CHUK: variants seen among roughly 807,000 people sequenced by gnomAD.
CHUK encodes the protein inhibitor of nuclear factor kappa-B kinase subunit alpha.
CHUK carries 35 observed loss-of-function variants against 104.8 expected under a neutral mutation model. That is an observed-to-expected ratio of 0.33 (90% CI 0.26 to 0.44). The LOEUF (loss-of-function observed/expected upper bound fraction) is 0.44. Ranked by LOEUF, CHUK falls within the 20% of genes least tolerant of loss-of-function variation. The pLI is 1.00. For synonymous variants in CHUK, 276 were observed against 291.9 expected, an observed-to-expected ratio of 0.95 and a Z score of 0.56; for missense variants, 663 against 902.7, an observed-to-expected ratio of 0.73 and a Z score of 3.40.
At chr10:100,191,569 A>G (rs142168170) in intron 19 of CHUK, among the ~76,000 whole-genome samples, 239 of 152,336 alleles carry the variant, frequency 1.6e-3, no homozygotes, top group African/African-American at 5.2e-3. Context: ...CTGGAAGTTC[A>G]TATTTGAAGG....
At chr10:100,205,036 G>A (rs1275798649) in intron 12 of CHUK, 40 bp downstream of exon 12, 9 of 1,611,052 alleles carry the variant, frequency 5.6e-6, no homozygotes, top group African/African-American at 1.3e-5. Context: ...AGTATATGAT[G>A]CACATTGCAT....
chr10:100,189,500 G>A lies in CHUK; in HGVS notation c.*98C>T. 1 of 913,804 alleles carries A rather than the reference G, an allele frequency of 1.1e-6. No individual in the cohort carries two copies. Among genetic ancestry groups the A allele is most frequent in the Middle Eastern group, 2.1e-4 (1 of 4,690 alleles). The allele number at this position is 913,804 out of a possible 1,614,324, so 56.6% of individuals were successfully genotyped here. A position where few individuals can be genotyped will look rare whatever the true frequency, so the allele number is the denominator to read the frequency against. On this transcript the variant is annotated 3_prime_UTR_variant, in exon 21 of 21. Coordinates refer to ENST00000370397, the MANE Select transcript of CHUK (RefSeq NM_001278.5). ...TCTGTTCATAGCCATTTCTTCCATT[G>A]ACTGATGTCTGAAGAATGGTTTCAT...
In CHUK at chr10:100,222,178, G is replaced by T; in HGVS notation, c.319C>A (p.Leu107Ile). The change falls in exon 4 of 21, where the codon CTC becomes ATC. Residue 107 changes from leucine (L) to isoleucine (I), a missense_variant. Around this residue, in one of 5 missense-constraint regions of CHUK, gnomAD observed 200 missense variants for 333.0 expected, o/e 0.60. Coordinates refer to ENST00000370397, the MANE Select transcript of CHUK (RefSeq NM_001278.5). ...CCACAACAATTTTCTGGTTTGTTGAGCAGCTAAAAAAAGAAAGAAATCTAA... is the reference window on the plus strand; with the variant it reads ...CCACAACAATTTTCTGGTTTGTTGATCAGCTAAAAAAAGAAAGAAATCTAA... Reference protein sequence around the residue: ...YCSGGDLRKLLNKPENCCGLK... With the variant: ...YCSGGDLRKLINKPENCCGLK... 6.3e-7 allele frequency: 1 copy of T among 1,592,636 alleles called. No individual in the cohort carries two copies.
In CHUK at chr10:100,220,644, T is replaced by C. The variant is rs553883842; in HGVS notation, c.418A>G (p.Ile140Val). ...TCAGGTTTTAGATCTCGATGTATAATTTTGTTTTCATGCAAATATCGAATC... is the reference window on the plus strand; with the variant it reads ...TCAGGTTTTAGATCTCGATGTATAACTTTGTTTTCATGCAAATATCGAATC... Reference protein sequence around the residue: ...SGIRYLHENKIIHRDLKPENI... With the variant: ...SGIRYLHENKVIHRDLKPENI... The change falls in exon 5 of 21, where the codon ATT (isoleucine) becomes GTT (valine). Residue 140 changes from isoleucine to valine, a missense_variant. This residue lies in a region of CHUK where 200 missense variants were observed against 333.0 expected (regional missense o/e 0.60). Transcript: ENST00000370397. 10 of 1,612,596 alleles carry C rather than the reference T, an allele frequency of 6.2e-6. 1 individual carries two copies. In the South Asian group the frequency reaches 9.9e-5, roughly 16 times the overall value.
chr10:100,204,495 C>T lies in CHUK; in HGVS notation c.1507+11G>A, dbSNP rs1183249833. The T allele has an allele frequency of 6.2e-7, 1 of 1,611,222 alleles. No individual in the cohort carries two copies. The highest frequency in any genetic ancestry group is 8.5e-7 in the Non-Finnish European group (1 of 1,177,748). On this transcript the variant is annotated intron_variant, in intron 13 of 20. Coordinates refer to ENST00000370397, the MANE Select transcript of CHUK (RefSeq NM_001278.5). ...AGATGCTCCTTTCAAATACATTACA[C>T]AGACACTTACATATCCCATACGTCA...
At chr10:100,208,897 G>C (rs954326611) in intron 10 of CHUK, among the ~76,000 whole-genome samples, 5 of 151,912 alleles carry the variant, frequency 3.3e-5, no homozygotes, top group African/African-American at 1.2e-4. Context: ...AATAACAAAG[G>C]AATTCTTAAC....
chr10:100,198,147 G>A (rs973229322), intron 16 of CHUK, among the ~76,000 whole-genome samples: 4 of 151,838 alleles, frequency 2.6e-5, no homozygotes, highest in East Asian at 1.9e-4. Flanking sequence ...ATTATCTCAC[G>A]TATGCAAATC....
At chr10:100,210,839 AGT>A (rs1455407557) in intron 9 of CHUK, among the ~76,000 whole-genome samples, 2 of 152,172 alleles carry the variant, frequency 1.3e-5, no homozygotes, top group African/African-American at 4.8e-5. Context: ...ATGCCAAGTG[AGT>A]GTGAGGCTGA....
Position 100,222,146 on chromosome 10 carries a change from T to C in CHUK, c.351A>G (p.Lys117=). The C allele has an allele frequency of 6.3e-7, 1 of 1,598,138 alleles. No homozygotes were observed. Among genetic ancestry groups the C allele is most frequent in the Non-Finnish European group, 8.6e-7 (1 of 1,166,796 alleles). Reference sequence around the variant, plus strand: ...TTAGTAAAGAAAGTATCTGGCTTTCTTTAAGTCCACAACAATTTTCTGGTT... The same window carrying C: ...TTAGTAAAGAAAGTATCTGGCTTTCCTTAAGTCCACAACAATTTTCTGGTT... ...LNKPENCCGL[K]ESQILSLLSD... Residue 117 remains lysine (K), a synonymous_variant, in exon 4 of 21, where the codon AAA becomes AAG. Coordinates refer to ENST00000370397, the MANE Select transcript of CHUK (RefSeq NM_001278.5).
At chr10:100,189,710 G>C in intron 20 of CHUK, 83 bp from the exon 21 acceptor site, 1 of 944,032 alleles carries the variant, frequency 1.1e-6, no homozygotes, top group East Asian at 2.4e-5. Context: ...CAAGTTTTCT[G>C]TTTGGACATT....
chr10:100,220,596 C>G lies in CHUK; in HGVS notation c.466G>C (p.Gly156Arg). The change falls in exon 5 of 21, where the codon GGT (glycine) becomes CGT (arginine). Residue 156 changes from glycine (G) to arginine (R), a missense_variant. This residue lies in a region of CHUK where 200 missense variants were observed against 333.0 expected (regional missense o/e 0.60). Coordinates refer to ENST00000370397, the MANE Select transcript of CHUK (RefSeq NM_001278.5). ...CTTCAGGTTTCACCTACCTTTCCAC[C>G]AACATCCTGAAGAACTATGTTTTCA... ...KPENIVLQDVGGKIIHKIIDL... is the reference protein window; with the variant it reads ...KPENIVLQDVRGKIIHKIIDL... 2 of 1,608,334 alleles carry G rather than the reference C, an allele frequency of 1.2e-6. No homozygotes were observed. Among genetic ancestry groups the G allele is most frequent in the Non-Finnish European group, 1.7e-6 (2 of 1,175,016 alleles).
intron 9 of CHUK, among the ~76,000 whole-genome samples, chr10:100,216,192 A>G (rs1008605252): frequency 2.6e-5 from 4 of 152,204 alleles, no homozygotes; most frequent in Non-Finnish European, 5.9e-5. Flanking sequence ...AAACTATGCT[A>G]TGATTCCTAT....
rs750126982 is a variant in CHUK at position 100,200,651 on chromosome 10, C to A, written c.1679+20G>T. 5.3e-6 allele frequency: 6 copies of A among 1,127,366 alleles called. No individual in the cohort carries two copies. The highest frequency in any genetic ancestry group is 8.1e-6 in the Non-Finnish European group (6 of 737,220). 69.8% of individuals were successfully genotyped at this position (1,127,366 alleles called of 1,614,324 possible). A position where few individuals can be genotyped will look rare whatever the true frequency, so the allele number is the denominator to read the frequency against. ...AAAATATTACAGATGTCAAGACCAA[C>A]AACACAAGTGCATCCTTACAGAGAT... is the stretch of plus-strand genomic sequence containing the variant. On this transcript the variant is annotated intron_variant, in intron 15 of 20. Transcript: ENST00000370397.
intron 19 of CHUK, chr10:100,192,727 C>A (rs1845232779): frequency 6.1e-6 from 6 of 988,076 alleles, no homozygotes; most frequent in African/African-American, 5.2e-5. Context: ...AGTCATTCAG[C>A]TTTTAGCAAA....
chr10:100,193,962 T>TA, intron 18 of CHUK, 22 bp downstream of exon 18: 1 of 1,603,678 alleles, frequency 6.2e-7, no homozygotes, highest in Middle Eastern at 1.7e-4. Context: ...TCACATTAAA[T>TA]AATTCATTAA....
At chr10:100,224,767 A>C (rs370601291) in intron 2 of CHUK, among the ~76,000 whole-genome samples, 173 of 152,234 alleles carry the variant, frequency 1.1e-3, no homozygotes, top group African/African-American at 4.0e-3. Flanking sequence ...GAAATGAAAT[A>C]GTTTTTTGAT....
Position 100,209,650 on chromosome 10 carries a change from G to A in CHUK, c.1073C>T (p.Thr358Ile). 1.2e-6 allele frequency: 2 copies of A among 1,610,452 alleles called. No homozygotes were observed. Among genetic ancestry groups the A allele is most frequent in the Non-Finnish European group, 1.7e-6 (2 of 1,176,698 alleles). The change falls in exon 10 of 21, where the codon ACA becomes ATA. Residue 358 changes from threonine (T) to isoleucine (I), a missense_variant. Coordinates refer to ENST00000370397, the MANE Select transcript of CHUK (RefSeq NM_001278.5). ...TTTCCGAGGATCCAGAGAAATTCCT[G>A]TCTCTGAAAGAAGTTCTTGAGAACC... is the stretch of plus-strand genomic sequence containing the variant. ...NTGSQELLSE[T>I]GISLDPRKPA...
chr10:100,222,356 G>C (rs1215983278), intron 3 of CHUK, among the ~76,000 whole-genome samples, 175 bp from the exon 4 acceptor site: 1 of 151,954 alleles, frequency 6.6e-6, no homozygotes, highest in Non-Finnish European at 1.5e-5. Flanking sequence ...TTCATGATAA[G>C]GCTCATAAAA....
chr10:100,226,111 T>C, intron 1 of CHUK, 94 bp from the exon 2 acceptor site: 2 of 748,478 alleles, frequency 2.7e-6, no homozygotes, highest in South Asian at 2.9e-5. Flanking sequence ...CAAAACTTTT[T>C]AGCTTTACTA....
Sources: allele counts gnomAD v4.1 joint callset (sites outside exome capture counted in the v4.1 genomes callset), GRCh38; gene constraint gnomAD v4.1.1; regional missense constraint gnomAD v4.1.1; transcripts MANE v1.5; gene names NCBI Gene and HGNC (gene_info 2026-07-23, HGNC 2026-07-21).